Variants in CFAP20DC observed in about 807,000 individuals in gnomAD.
CFAP20DC encodes the protein protein CFAP20DC.
A neutral mutation model predicts 101.7 loss-of-function variants in CFAP20DC; 84 were observed. That is an observed-to-expected ratio of 0.83 (90% CI 0.69 to 0.99). The LOEUF is 0.99. CFAP20DC is among the 50% of genes least tolerant of loss of function. The probability of loss-of-function intolerance (pLI) is 0.00; values close to 1 mark genes in which losing one functional copy is unlikely to be tolerated. For missense variants in CFAP20DC, 1,007 were observed against 970.3 expected, an observed-to-expected ratio of 1.04 and a Z score of -0.50; for synonymous variants, 359 against 351.2, an observed-to-expected ratio of 1.02 and a Z score of -0.25.
chr3:58,807,766 G>A lies in CFAP20DC; in HGVS notation c.2176-1310C>T, dbSNP rs7645245. 2.8e-3 allele frequency among the ~76,000 whole-genome samples: 420 copies of A among 152,264 alleles called. 7 individuals carry two copies. Among genetic ancestry groups the A allele is most frequent in the African/African-American group, 9.8e-3 (407 of 41,548 alleles). ...AGGCTTCAGATGATCAAACTACTCCGAGCTACAGGAGGAAATTCAAACCAA... is the reference window on the plus strand; with the variant it reads ...AGGCTTCAGATGATCAAACTACTCCAAGCTACAGGAGGAAATTCAAACCAA... On this transcript the variant is annotated intron_variant, in intron 14 of 16. Coordinates refer to ENST00000482387, the MANE Select transcript of CFAP20DC (RefSeq NM_001394063.1).
At chr3:58,752,638 T>C (rs1307548699) in intron 16 of CFAP20DC, among the ~76,000 whole-genome samples, 1 of 152,186 alleles carries the variant, frequency 6.6e-6, no homozygotes, top group Non-Finnish European at 1.5e-5. Flanking sequence ...ATTCTATTTT[T>C]CTGTCATAAG....
intron 5 of CFAP20DC, among the ~76,000 whole-genome samples, chr3:58,933,561 T>C (rs1299230455): frequency 1.3e-5 from 2 of 152,178 alleles, no homozygotes; most frequent in Non-Finnish European, 2.9e-5. Context: ...ATAGAAATTA[T>C]AACAAACTGT....
chr3:58,738,823 T>C (rs1288808286), downstream of CFAP20DC, among the ~76,000 whole-genome samples: 1 of 152,184 alleles, frequency 6.6e-6, no homozygotes, highest in Non-Finnish European at 1.5e-5. This position sits in a 1 kb window ranked among gnomAD's most constrained non-coding sequence, Gnocchi z 4.4. Context: ...GGGTGTAACC[T>C]GGAACAAACC....
intron 15 of CFAP20DC, among the ~76,000 whole-genome samples, chr3:58,804,510 A>G (rs558432130): frequency 4.3e-4 from 66 of 151,980 alleles, no homozygotes; most frequent in African/African-American, 1.5e-3. Flanking sequence ...TTATAGGCAT[A>G]TGCCACCACA....
chr3:58,807,658 G>A (rs573842053), intron 14 of CFAP20DC, among the ~76,000 whole-genome samples: 12 of 152,356 alleles, frequency 7.9e-5, no homozygotes, highest in South Asian at 4.1e-4. Flanking sequence ...AAAGCAGAGC[G>A]CGTCTCCTCA....
At chr3:59,041,385 G>C (rs1699371216) in intron 3 of CFAP20DC, among the ~76,000 whole-genome samples, 1 of 152,000 alleles carries the variant, frequency 6.6e-6, no homozygotes, top group African/African-American at 2.4e-5. Context: ...TCACTTCTAA[G>C]ATTAAAAGAA....
At chr3:58,907,121 ATG>A (rs1406740663) in intron 6 of CFAP20DC, among the ~76,000 whole-genome samples, 2 of 150,422 alleles carry the variant, frequency 1.3e-5, no homozygotes, top group South Asian at 4.2e-4. Context: ...GTGTGTATGT[ATG>A]TGTGTGTGTC....
At chr3:58,871,664 G>A (rs543623722) in intron 7 of CFAP20DC, among the ~76,000 whole-genome samples, 84 of 151,956 alleles carry the variant, frequency 5.5e-4, no homozygotes, top group Non-Finnish European at 1.8e-4. Context: ...GAGTAGCTGG[G>A]ACTAGAGGTA....
At chr3:58,756,548 A>G (rs528244607) in intron 15 of CFAP20DC, among the ~76,000 whole-genome samples, 1 of 151,984 alleles carries the variant, frequency 6.6e-6, no homozygotes, top group African/African-American at 2.4e-5. Flanking sequence ...GATTTTTATT[A>G]CTTTTGTTGT....
chr3:58,756,991 C>A (rs1202756832), intron 15 of CFAP20DC, among the ~76,000 whole-genome samples: 2 of 151,936 alleles, frequency 1.3e-5, no homozygotes, highest in Non-Finnish European at 2.9e-5. Flanking sequence ...CAATGTTTTG[C>A]AATGATTGCA....
rs1482343565 is a variant in CFAP20DC at position 58,849,206 on chromosome 3, C to G, written c.1797G>C (p.Leu599Phe). The G allele has an allele frequency of 3.9e-6, 6 of 1,535,964 alleles. No individual in the cohort carries two copies. The highest frequency in any genetic ancestry group is 5.2e-6 in the Non-Finnish European group (6 of 1,146,898). ...QIDRNNFEMSLLPTTCLSPTG... is the reference protein window; with the variant it reads ...QIDRNNFEMSFLPTTCLSPTG... ...TTGGAGAAAGGCATGTTGTAGGCAA[C>G]AAACTCATTTCAAAGTTATTTCTAT... is the stretch of plus-strand genomic sequence containing the variant. Residue 599 changes from leucine to phenylalanine, a missense_variant, in exon 13 of 17, where the codon TTG becomes TTC. By Grantham distance (22) the Leu-to-Phe change is conservative. Coordinates refer to ENST00000482387, the MANE Select transcript of CFAP20DC (RefSeq NM_001394063.1).
chr3:58,737,408 T>A (rs2067782350), downstream of CFAP20DC, among the ~76,000 whole-genome samples: 1 of 151,652 alleles, frequency 6.6e-6, no homozygotes, highest in Admixed American at 6.6e-5. The surrounding 1 kb of genome is among the most constrained non-coding windows in gnomAD (Gnocchi z 4.1). Flanking sequence ...ATTTCTTGAG[T>A]TCTGGTGGGA....
chr3:58,740,438 A>T (rs1440171456), downstream of CFAP20DC, among the ~76,000 whole-genome samples: 1 of 152,192 alleles, frequency 6.6e-6, no homozygotes, highest in Non-Finnish European at 1.5e-5. This position sits in a 1 kb window ranked among gnomAD's most constrained non-coding sequence, Gnocchi z 4.6. Flanking sequence ...TTTGGTGGCC[A>T]TCATCATGAG....
intron 14 of CFAP20DC, among the ~76,000 whole-genome samples, chr3:58,824,831 CTT>C (rs80121434): frequency 1.6e-4 from 22 of 140,104 alleles, no homozygotes; most frequent in African/African-American, 1.6e-4. Flanking sequence ...TATGGGAATT[CTT>C]TTTTTTTTTT....
At chr3:58,805,918 T>C (rs1349623177) in intron 15 of CFAP20DC, among the ~76,000 whole-genome samples, 1 of 152,194 alleles carries the variant, frequency 6.6e-6, no homozygotes, top group Non-Finnish European at 1.5e-5. Flanking sequence ...AAGAGACTGG[T>C]CATTTGAACT....
At chr3:58,832,174 A>T (rs1201496973) in intron 13 of CFAP20DC, among the ~76,000 whole-genome samples, 1 of 152,180 alleles carries the variant, frequency 6.6e-6, no homozygotes, top group Non-Finnish European at 1.5e-5. Flanking sequence ...GGTAATGCTT[A>T]GGCTCCCTTC....
chr3:58,972,627 A>G (rs1455971418), intron 4 of CFAP20DC, among the ~76,000 whole-genome samples: 1 of 152,204 alleles, frequency 6.6e-6, no homozygotes, highest in Non-Finnish European at 1.5e-5. Context: ...TTATCAATGT[A>G]AACACATTTC....
chr3:58,960,262 G>T (rs538425921), intron 4 of CFAP20DC, among the ~76,000 whole-genome samples: 1 of 152,106 alleles, frequency 6.6e-6, no homozygotes, highest in Non-Finnish European at 1.5e-5. Context: ...GGAGGCCGAG[G>T]TGGGTGGATC....
At position 58,869,385 on chromosome 3, in the gene CFAP20DC, C is replaced by T; in HGVS notation, c.958G>A (p.Glu320Lys). 1 of 1,613,780 alleles carries T rather than the reference C, an allele frequency of 6.2e-7. No individual in the cohort carries two copies. ...ATATTTTCTTTATTTCCTTGTTCCT[C>T]AGACTCAGGTATCAGCAAGGCTGAC... ...EMSALLIPES[E>K]EQGNKENIHQ... Residue 320 changes from glutamate (E) to lysine (K), a missense_variant, in exon 9 of 17, where the codon GAG becomes AAG. Physicochemically the swap from Glu to Lys is moderately conservative, Grantham distance 56. Coordinates refer to ENST00000482387, the MANE Select transcript of CFAP20DC (RefSeq NM_001394063.1). The surrounding 1 kb of genome is among the most constrained non-coding windows in gnomAD (Gnocchi z 4.3).
Sources: gnomAD v4.1 joint callset for allele counts (sites outside exome capture counted in the v4.1 genomes callset) on GRCh38, gnomAD v4.1.1 for gene constraint, Gnocchi (gnomAD v3.1) non-coding constraint, MANE v1.5 for transcripts, NCBI Gene and HGNC (gene_info 2026-07-23, HGNC 2026-07-21) for gene names.